The following SPTY2D1 variants were observed in gnomAD, a reference collection of about 807,000 sequenced individuals.
SPTY2D1 encodes SPT2 chromatin protein domain containing 1.
In SPTY2D1, 21 loss-of-function variants were observed where a neutral mutation model predicts 64.0. The ratio of observed to expected loss-of-function variants is 0.33; its 90% confidence interval spans 0.23 to 0.47. The LOEUF (loss-of-function observed/expected upper bound fraction) is 0.47. Ranked by LOEUF, SPTY2D1 falls within the 20% of genes least tolerant of loss-of-function variation. SPTY2D1 has a pLI of 1.00. For synonymous variants in SPTY2D1, 287 were observed against 286.8 expected (o/e 1.00, Z -0.01); for missense variants, 724 against 837.2 (o/e 0.86, Z 1.67).
chr11:18,624,842 T>C (rs1175545406), intron 1 of SPTY2D1, among the ~76,000 whole-genome samples: 2 of 152,004 alleles, frequency 1.3e-5, no homozygotes, highest in Non-Finnish European at 2.9e-5. Flanking sequence ...CTACTAAAAA[T>C]ACAAAACTAC....
intron 1 of SPTY2D1, among the ~76,000 whole-genome samples, chr11:18,622,100 A>AAAAAAAAAAAAAAAAAAAAAAAAAAACC (rs1854417961): frequency 6.7e-6 from 1 of 148,214 alleles, no homozygotes; most frequent in African/African-American, 2.5e-5. Flanking sequence ...AAAAAAAAAA[A>AAAAAAAAAAAAAAAAAAAAAAAAAAACC]AAAACCAAAA....
rs756935609 is a variant in SPTY2D1 at position 18,615,323 on chromosome 11, G to A, written c.951C>T (p.Ser317=). 2.5e-6 allele frequency: 4 copies of A among 1,614,192 alleles called. No homozygotes were observed. The highest frequency in any genetic ancestry group is 3.4e-6 in the Non-Finnish European group (4 of 1,180,026). The change falls in exon 3 of 6, where the codon TCC becomes TCT. Residue 317 remains serine, a synonymous_variant. Coordinates refer to ENST00000336349, the MANE Select transcript of SPTY2D1 (RefSeq NM_194285.3). Reference sequence around the variant, plus strand: ...TTGGGACACTTGGTGAAGAGGTGCTGGAATGAGGCTTTCCAGCTCCATTAA... The same window carrying A: ...TTGGGACACTTGGTGAAGAGGTGCTAGAATGAGGCTTTCCAGCTCCATTAA... The part of the protein sequence containing the change: ...PVFNGAGKPH[S]STSSPSVPKT...
At chr11:18,629,782 C>T (rs1854556403) in intron 1 of SPTY2D1, among the ~76,000 whole-genome samples, 1 of 152,096 alleles carries the variant, frequency 6.6e-6, no homozygotes, top group Non-Finnish European at 1.5e-5. Flanking sequence ...CTACCTTTAA[C>T]ATAAAAAACT....
At chr11:18,610,228 A>C in intron 5 of SPTY2D1, 1 of 318,404 alleles carries the variant, frequency 3.1e-6, no homozygotes, top group East Asian at 5.6e-5. Flanking sequence ...AGCTTTTAAA[A>C]ATAAACAGCA....
In SPTY2D1 at chr11:18,614,805, C is replaced by G; in HGVS notation, c.1469G>C (p.Ser490Thr). The change falls in exon 3 of 6, where the codon AGT becomes ACT. Residue 490 changes from serine to threonine, a missense_variant. By Grantham distance (58) the Ser-to-Thr change is moderately conservative. This residue lies in a region of SPTY2D1 where 426 missense variants were observed against 431.8 expected (regional missense o/e 0.99). Transcript: ENST00000336349. ...SGLGPPGRSVSGPGRSISGSI... is the reference protein window; with the variant it reads ...SGLGPPGRSVTGPGRSISGSI... ...GCCACTTATGGATCTCCCAGGGCCA[C>G]TGACAGACCGCCCCGGGGGGCCCAA... The G allele has an allele frequency of 1.1e-5, 17 of 1,613,276 alleles. No homozygotes were observed. The highest frequency in any genetic ancestry group is 1.4e-5 in the Non-Finnish European group (17 of 1,179,468).
Position 18,632,224 on chromosome 11 carries a change from A to G in SPTY2D1, c.60+1974T>C, listed in dbSNP as rs117161598. 9.8e-4 allele frequency among the ~76,000 whole-genome samples: 149 copies of G among 152,200 alleles called. 4 individuals are homozygous for G. In the East Asian group the frequency reaches 0.027, roughly 27 times the overall value. On this transcript the variant is annotated intron_variant, in intron 1 of 5. Coordinates refer to ENST00000336349, the MANE Select transcript of SPTY2D1 (RefSeq NM_194285.3). ...CTATTCCTCAATAGTTTCTTTTGTG[A>G]CTTTAATTCCACATAAAAAGATAAG... is the stretch of plus-strand genomic sequence containing the variant.
chr11:18,630,988 C>T (rs187167953), intron 1 of SPTY2D1, among the ~76,000 whole-genome samples: 4 of 152,064 alleles, frequency 2.6e-5, no homozygotes, highest in Non-Finnish European at 4.4e-5. Context: ...ACAGGTGTGC[C>T]CCACCATGCC....
chr11:18,619,456 T>TAAAA (rs562811444), intron 1 of SPTY2D1, among the ~76,000 whole-genome samples: 1 of 114,660 alleles, frequency 8.7e-6, no homozygotes, highest in Non-Finnish European at 1.8e-5. Context: ...CTCATCTCTT[T>TAAAA]AAAAAAAAAA....
At chr11:18,628,227 T>C (rs1434812764) in intron 1 of SPTY2D1, among the ~76,000 whole-genome samples, 1 of 152,244 alleles carries the variant, frequency 6.6e-6, no homozygotes, top group Non-Finnish European at 1.5e-5. Flanking sequence ...ACCTTGCCTA[T>C]ATAAAAGATT....
chr11:18,627,064 GT>G (rs1165228877), intron 1 of SPTY2D1, among the ~76,000 whole-genome samples: 2 of 152,062 alleles, frequency 1.3e-5, no homozygotes, highest in Non-Finnish European at 2.9e-5. Context: ...ATGACCTTTT[GT>G]TTTAAATTAA....
chr11:18,631,618 A>AC (rs1338453493), intron 1 of SPTY2D1, among the ~76,000 whole-genome samples: 1 of 145,064 alleles, frequency 6.9e-6, no homozygotes, highest in East Asian at 2.0e-4. Context: ...AAAAAAAAAA[A>AC]CCACCAAACA....
In SPTY2D1 at chr11:18,614,807, G is replaced by A; in HGVS notation, c.1467C>T (p.Val489=). The stretch of plus-strand genomic sequence containing the variant: ...CACTTATGGATCTCCCAGGGCCACT[G>A]ACAGACCGCCCCGGGGGGCCCAAGC... ...VSGLGPPGRS[V]SGPGRSISGS... Residue 489 remains valine, a synonymous_variant, in exon 3 of 6, where the codon GTC becomes GTT. Coordinates refer to ENST00000336349, the MANE Select transcript of SPTY2D1 (RefSeq NM_194285.3). The A allele has an allele frequency of 6.2e-7, 1 of 1,613,198 alleles. No individual in the cohort carries two copies. Among genetic ancestry groups the A allele is most frequent in the Non-Finnish European group, 8.5e-7 (1 of 1,179,446 alleles).
intron 4 of SPTY2D1, 37 bp from the exon 5 acceptor site, chr11:18,611,591 C>T: frequency 6.5e-7 from 1 of 1,548,386 alleles, no homozygotes; most frequent in South Asian, 1.1e-5. Flanking sequence ...AAAGAGAAAA[C>T]TTCAATTTTC....
At chr11:18,622,596 G>A (rs1461440786) in intron 1 of SPTY2D1, among the ~76,000 whole-genome samples, 1 of 152,054 alleles carries the variant, frequency 6.6e-6, no homozygotes, top group Non-Finnish European at 1.5e-5. Context: ...CTATTAAATG[G>A]TTTTTGATAT....
chr11:18,623,225 T>G (rs1355062344), intron 1 of SPTY2D1, among the ~76,000 whole-genome samples: 1 of 152,180 alleles, frequency 6.6e-6, no homozygotes, highest in Non-Finnish European at 1.5e-5. Context: ...GTCCACACAG[T>G]TCAAACCTAT....
In SPTY2D1 at chr11:18,609,839, T is replaced by C; in HGVS notation, c.*22A>G. The C allele has an allele frequency of 6.2e-7, 1 of 1,612,162 alleles. No individual in the cohort carries two copies. The highest frequency in any genetic ancestry group is 8.5e-7 in the Non-Finnish European group (1 of 1,178,780). On this transcript the variant is annotated 3_prime_UTR_variant, in exon 6 of 6. Coordinates refer to ENST00000336349, the MANE Select transcript of SPTY2D1 (RefSeq NM_194285.3). The stretch of plus-strand genomic sequence containing the variant: ...CCTTGCAGCAGAGCAGCTCTAGAAT[T>C]TCACAAAAATAAAAGCAGCAGCTAA...
At chr11:18,611,679 C>T (rs555933618) in intron 4 of SPTY2D1, 125 bp from the exon 5 acceptor site, 1 of 828,426 alleles carries the variant, frequency 1.2e-6, no homozygotes, top group South Asian at 1.6e-5. Context: ...AGAATTATTC[C>T]TTGCTTGGCA....
rs554669591 is a variant in SPTY2D1, at chr11:18,614,764, G to A, written c.1510C>T (p.Arg504Trp). 3.7e-5 allele frequency: 59 copies of A among 1,612,984 alleles called. No individual in the cohort carries two copies. The highest frequency in any genetic ancestry group is 2.0e-4 in the South Asian group (18 of 91,000). ...CCTGGGACTGAATTACTGACAGTCC[G>A]TCCAGCTGGAATTGAGCCACTTATG... ...RSISGSIPAG[R>W]TVSNSVPGRP... The change falls in exon 3 of 6, where the codon CGG (arginine) becomes TGG (tryptophan). Residue 504 changes from arginine (R) to tryptophan (W), a missense_variant. By Grantham distance (101) the Arg-to-Trp change is moderately radical. Coordinates refer to ENST00000336349, the MANE Select transcript of SPTY2D1 (RefSeq NM_194285.3).
In SPTY2D1 at chr11:18,612,126, A is replaced by G. The variant is rs1854216097; in HGVS notation, c.1886+188T>C. ...TTGTTCCTCATGCAAATAACTACAGAAACTATTTTGAATTAAATATAAAAT... is the reference window on the plus strand; with the variant it reads ...TTGTTCCTCATGCAAATAACTACAGGAACTATTTTGAATTAAATATAAAAT... On this transcript the variant is annotated intron_variant, in intron 4 of 5. Coordinates refer to ENST00000336349, the MANE Select transcript of SPTY2D1 (RefSeq NM_194285.3). The surrounding 1 kb of genome is among the most constrained non-coding windows in gnomAD (Gnocchi z 4.6). 2.3e-6 allele frequency: 1 copy of G among 426,900 alleles called. No homozygotes were observed. The highest frequency in any genetic ancestry group is 4.0e-6 in the Non-Finnish European group (1 of 247,484). The allele number at this position is 426,900 out of a possible 1,614,324, so 26.4% of individuals were successfully genotyped here. A position where few individuals can be genotyped will look rare whatever the true frequency, so the allele number is the denominator to read the frequency against.
Sources: allele counts gnomAD v4.1 joint callset (sites outside exome capture counted in the v4.1 genomes callset), GRCh38; gene constraint gnomAD v4.1.1; regional missense constraint gnomAD v4.1.1; non-coding constraint Gnocchi (gnomAD v3.1); transcripts MANE v1.5; gene names NCBI Gene and HGNC (gene_info 2026-07-23, HGNC 2026-07-21).